The following SH3PXD2A variants were observed in gnomAD, a reference collection of about 807,000 sequenced individuals.
SH3PXD2A encodes the protein SH3 and PX domains 2A.
Under a neutral mutation model 115.2 loss-of-function variants are expected in SH3PXD2A, and 32 were observed. That is an observed-to-expected ratio of 0.28 (90% CI 0.21 to 0.37). The LOEUF is 0.37. Ranked by LOEUF, SH3PXD2A falls within the 10% of genes least tolerant of loss-of-function variation. The pLI, the probability that SH3PXD2A is intolerant of heterozygous loss-of-function variation, is 1.00. For missense variants in SH3PXD2A, 1,328 were observed against 1,498.7 expected (o/e 0.89, Z 1.88); for synonymous variants, 610 against 629.1 (o/e 0.97, Z 0.45).
chr10:103,600,324 C>T lies in SH3PXD2A; in HGVS notation c.*1492G>A, dbSNP rs950430705. 2 of 152,634 alleles carry T rather than the reference C, an allele frequency of 1.3e-5. No homozygotes were observed. Among genetic ancestry groups the T allele is most frequent in the African/African-American group, 4.8e-5 (2 of 41,578 alleles). The allele number at this position is 152,634 out of a possible 1,614,324, so 9.5% of individuals were successfully genotyped here. On this transcript the variant is annotated 3_prime_UTR_variant, in exon 15 of 15. Transcript: ENST00000369774. ...GGACCTACAGGGAACTTTATTCTCT[C>T]GCTTCTGTCTTCACTGGGGCACTGA... is the stretch of plus-strand genomic sequence containing the variant.
intron 9 of SH3PXD2A, among the ~76,000 whole-genome samples, chr10:103,626,180 A>G (rs1286490591): frequency 6.6e-6 from 1 of 152,268 alleles, no homozygotes; most frequent in Non-Finnish European, 1.5e-5. Flanking sequence ...TCGACATAGG[A>G]GGAAGGGCGA....
At chr10:103,625,761 G>A (rs1354223852) in intron 9 of SH3PXD2A, among the ~76,000 whole-genome samples, 4 of 152,206 alleles carry the variant, frequency 2.6e-5, no homozygotes, top group South Asian at 2.1e-4. Flanking sequence ...GTAGTGGTAG[G>A]TGCCTGTAAT....
rs544729874 is a variant in SH3PXD2A, at chr10:103,615,471, GGA to G, written c.920+1724_920+1725del. Among the ~76,000 whole-genome samples, 616 of 132,002 alleles carry G rather than the reference GGA, an allele frequency of 4.7e-3. 2 individuals are homozygous for G. Among genetic ancestry groups the G allele is most frequent in the African/African-American group, 0.016 (592 of 36,982 alleles). The allele number at this position is 132,002 out of a possible 152,430, so 86.6% of individuals were successfully genotyped here. A position where few individuals can be genotyped will look rare whatever the true frequency, so the allele number is the denominator to read the frequency against. On this transcript the variant is annotated intron_variant, in intron 11 of 14. Transcript: ENST00000369774. ...GGAAGCAAGCTGGAAAGGGCGCGATGGAGAGTGCGAGGGTGTGTGTGTGTGTG... is the reference window on the plus strand; with the variant it reads ...GGAAGCAAGCTGGAAAGGGCGCGATGGAGTGCGAGGGTGTGTGTGTGTGTG...
intron 1 of SH3PXD2A, among the ~76,000 whole-genome samples, chr10:103,821,206 G>A (rs542349678): frequency 1.8e-3 from 269 of 149,604 alleles, no homozygotes; most frequent in African/African-American, 6.4e-3. Flanking sequence ...GCAGTGGTGC[G>A]GTCTCGGCTT....
rs542921598 is a variant in SH3PXD2A at position 103,830,354 on chromosome 10, AGAAGTGCCAATAG to A, written c.72+24828_72+24840del. Among the ~76,000 whole-genome samples, 33 of 152,240 alleles carry A rather than the reference AGAAGTGCCAATAG, an allele frequency of 2.2e-4. No homozygotes were observed. In the South Asian group the frequency reaches 6.6e-3, roughly 31 times the overall value. The stretch of plus-strand genomic sequence containing the variant: ...ATGTAGGCTGAATCGGTCCTTAGGG[AGAAGTGCCAATAG>A]GCTGGAAGGTCTTCCGGGTATTACC... On this transcript the variant is annotated intron_variant, in intron 1 of 14. Coordinates refer to ENST00000369774, the MANE Select transcript of SH3PXD2A (RefSeq NM_001394015.1).
At chr10:103,610,285 G>A (rs2133926487) in intron 13 of SH3PXD2A, among the ~76,000 whole-genome samples, 1 of 152,364 alleles carries the variant, frequency 6.6e-6, no homozygotes, top group East Asian at 1.9e-4. Context: ...CTCTGGCCAG[G>A]TGGGATGCAG....
intron 5 of SH3PXD2A, among the ~76,000 whole-genome samples, chr10:103,718,318 A>G (rs967430532): frequency 3.3e-5 from 5 of 152,174 alleles, no homozygotes; most frequent in Non-Finnish European, 7.4e-5. Context: ...CACGGGGCCA[A>G]GGGCATGTCT....
intron 2 of SH3PXD2A, among the ~76,000 whole-genome samples, chr10:103,782,648 C>T (rs1187403086): frequency 6.6e-6 from 1 of 151,846 alleles, no homozygotes; most frequent in African/African-American, 2.4e-5. Flanking sequence ...TCTCTGAAAG[C>T]TCACATTCTG....
In SH3PXD2A at chr10:103,596,657, A is replaced by ACTCTCTCT. The variant is rs758931068; in HGVS notation, c.*5158_*5159insAGAGAGAG. 1.8e-5 allele frequency: 1 copy of ACTCTCTCT among 55,448 alleles called. No individual in the cohort carries two copies. The highest frequency in any genetic ancestry group is 6.2e-5 in the African/African-American group (1 of 16,230). The allele number at this position is 55,448 out of a possible 1,614,324, so 3.4% of individuals were successfully genotyped here. ...CAGACACACACACACACACACACACACACACACTCTCTCTCTCTCTCTCTC... is the reference window on the plus strand; with the variant it reads ...CAGACACACACACACACACACACACACTCTCTCTCACACACTCTCTCTCTCTCTCTCTC... On this transcript the variant is annotated 3_prime_UTR_variant, in exon 15 of 15. Coordinates refer to ENST00000369774, the MANE Select transcript of SH3PXD2A (RefSeq NM_001394015.1).
rs773819318 is a variant in SH3PXD2A at position 103,603,647 on chromosome 10, G to A, written c.1571C>T (p.Pro524Leu). 3.7e-6 allele frequency: 6 copies of A among 1,604,604 alleles called. No homozygotes were observed. Among genetic ancestry groups the A allele is most frequent in the South Asian group, 1.1e-5 (1 of 89,774 alleles). ...CTTGGGCTTGCTGGGGGGTGCTGGCGGGGGCACCTTGGGCCGGGTCAGCGT... is the reference window on the plus strand; with the variant it reads ...CTTGGGCTTGCTGGGGGGTGCTGGCAGGGGCACCTTGGGCCGGGTCAGCGT... The part of the protein sequence containing the change: ...TSTLTRPKVP[P>L]PAPPSKPKEA... The change falls in exon 15 of 15, where the codon CCG becomes CTG. Residue 524 changes from proline to leucine, a missense_variant. By Grantham distance (98) the Pro-to-Leu change is moderately conservative. Around this residue, in one of 5 missense-constraint regions of SH3PXD2A, gnomAD observed 509 missense variants for 628.3 expected, o/e 0.81. Transcript: ENST00000369774.
intron 2 of SH3PXD2A, among the ~76,000 whole-genome samples, chr10:103,778,326 C>A (rs1261654388): frequency 6.6e-6 from 1 of 152,120 alleles, no homozygotes; most frequent in African/African-American, 2.4e-5. Context: ...AGCGAGACTC[C>A]GTCTCCAGAA....
rs2037372350 is a variant in SH3PXD2A, at chr10:103,665,483, A to C, written c.472+3125T>G. ...AGGCATTGGAAAGCACAGACAGGCT[A>C]TGGCCTCTCTCAGGAGCTGCTCCAA... On this transcript the variant is annotated intron_variant, in intron 7 of 14. Transcript: ENST00000369774. The surrounding 1 kb of genome is among the most constrained non-coding windows in gnomAD (Gnocchi z 4.0). Among the ~76,000 whole-genome samples the C allele has an allele frequency of 6.6e-6, 1 of 152,218 alleles. No homozygotes were observed. Among genetic ancestry groups the C allele is most frequent in the Non-Finnish European group, 1.5e-5 (1 of 68,040 alleles).
rs1309996138 is a variant in SH3PXD2A at position 103,746,589 on chromosome 10, G to A, written c.230-10781C>T. The stretch of plus-strand genomic sequence containing the variant: ...CTCCCAGAGTACTGGGATTACAGAC[G>A]TGAGCCACTGCGCCTGGCCTCAGAA... On this transcript the variant is annotated intron_variant, in intron 3 of 14. Coordinates refer to ENST00000369774, the MANE Select transcript of SH3PXD2A (RefSeq NM_001394015.1). This position sits in a 1 kb window ranked among gnomAD's most constrained non-coding sequence, Gnocchi z 4.4. Among the ~76,000 whole-genome samples the A allele has an allele frequency of 2.0e-5, 3 of 152,162 alleles. No individual in the cohort carries two copies. Among genetic ancestry groups the A allele is most frequent in the Non-Finnish European group, 4.4e-5 (3 of 68,030 alleles).
At chr10:103,612,001 C>T (rs931145451) in intron 12 of SH3PXD2A, among the ~76,000 whole-genome samples, 8 of 152,218 alleles carry the variant, frequency 5.3e-5, no homozygotes, top group Non-Finnish European at 1.2e-4. Context: ...TAGAAGCTAG[C>T]ATAATGCCAG....
At chr10:103,755,902 G>A (rs1483253142) in intron 3 of SH3PXD2A, among the ~76,000 whole-genome samples, 1 of 152,210 alleles carries the variant, frequency 6.6e-6, no homozygotes, top group African/African-American at 2.4e-5. Flanking sequence ...GATCTTGACA[G>A]TTGAAGCCTG....
intron 8 of SH3PXD2A, among the ~76,000 whole-genome samples, chr10:103,634,293 G>A (rs2036832628): frequency 6.6e-6 from 1 of 152,244 alleles, no homozygotes; most frequent in Admixed American, 6.5e-5. Flanking sequence ...GAAAGGCCCT[G>A]TGTGCTTGGA....
chr10:103,826,615 G>C (rs1196330646), intron 1 of SH3PXD2A, among the ~76,000 whole-genome samples: 1 of 152,202 alleles, frequency 6.6e-6, no homozygotes, highest in Non-Finnish European at 1.5e-5. Context: ...GTCCATGCTA[G>C]AATTTTCCCC....
At chr10:103,645,270 T>C (rs1178598915) in intron 8 of SH3PXD2A, among the ~76,000 whole-genome samples, 1 of 152,210 alleles carries the variant, frequency 6.6e-6, no homozygotes, top group African/African-American at 2.4e-5. Context: ...ACTGGGCATC[T>C]TCTCTCCAGC....
chr10:103,691,136 A>G (rs1351016313), intron 6 of SH3PXD2A, among the ~76,000 whole-genome samples: 1 of 152,086 alleles, frequency 6.6e-6, no homozygotes, highest in African/African-American at 2.4e-5. Flanking sequence ...ACTGAGGCCC[A>G]GCATAGAGAA....
Sources: gnomAD v4.1 joint callset for allele counts (sites outside exome capture counted in the v4.1 genomes callset) on GRCh38, gnomAD v4.1.1 for gene constraint, gnomAD v4.1.1 regional missense constraint, Gnocchi (gnomAD v3.1) non-coding constraint, MANE v1.5 for transcripts, NCBI Gene and HGNC (gene_info 2026-07-23, HGNC 2026-07-21) for gene names.